The following GPR84 variants were observed in gnomAD, a reference collection of about 807,000 sequenced individuals.
The protein encoded by GPR84 is G protein-coupled receptor 84, also known as G-protein coupled receptor 84.
Under a neutral mutation model 14.9 loss-of-function variants are expected in GPR84, and 8 were observed. The ratio of observed to expected loss-of-function variants is 0.54; its 90% CI spans 0.31 to 0.97. GPR84 has a LOEUF of 0.97. Among genes scored for constraint, GPR84 ranks in the 50% least tolerant of loss-of-function variants. The pLI is 0.04. For synonymous variants in GPR84, 164 were observed against 198.1 expected (o/e 0.83, Z 1.45); for missense variants, 424 against 498.7 (o/e 0.85, Z 1.43).
At chr12:54,362,306 T>G, downstream of GPR84, 1 of 178,158 alleles carries the variant, frequency 5.6e-6, no homozygotes. This position sits in a 1 kb window ranked among gnomAD's most constrained non-coding sequence, Gnocchi z 4.0. Flanking sequence ...CACAGGTGCT[T>G]TAGGGATATG....
In GPR84 at chr12:54,362,652, G is replaced by C; in HGVS notation, c.*9C>G. On this transcript the variant is annotated 3_prime_UTR_variant, in exon 2 of 2. Transcript: ENST00000267015. This position sits in a 1 kb window ranked among gnomAD's most constrained non-coding sequence, Gnocchi z 4.0. Reference sequence around the variant, plus strand: ...ACAGTCCTGAATTCTGGTGACTAGGGTCACAGTTCTAATGGAGCCTATGGA... The same window carrying C: ...ACAGTCCTGAATTCTGGTGACTAGGCTCACAGTTCTAATGGAGCCTATGGA... The C allele has an allele frequency of 6.4e-7, 1 of 1,558,962 alleles. No homozygotes were observed.
the GPR84 span, chr12:54,353,628 C>G: frequency 6.6e-6 from 1 of 152,406 alleles, no homozygotes; most frequent in Admixed American, 6.5e-5. Flanking sequence ...CTTGGTACAG[C>G]CTCCTCCCAC....
chr12:54,351,851 C>T, the GPR84 span: 1 of 152,158 alleles, frequency 6.6e-6, no homozygotes, highest in African/African-American at 2.4e-5. Flanking sequence ...TCCAAACTGC[C>T]TTTGTGTGAT....
At chr12:54,359,622 G>A (rs1217973357), downstream of GPR84, among the ~76,000 whole-genome samples, 1 of 152,088 alleles carries the variant, frequency 6.6e-6, no homozygotes, top group Non-Finnish European at 1.5e-5. Context: ...GAGATAAAGA[G>A]ACAAAGAGAG....
downstream of GPR84, among the ~76,000 whole-genome samples, chr12:54,359,109 AGCGGGG>A (rs2137125712): frequency 6.6e-6 from 1 of 151,562 alleles, no homozygotes; most frequent in East Asian, 2.0e-4. Context: ...AGGGGAAAAA[AGCGGGG>A]GAGAGGAGGA....
downstream of GPR84, among the ~76,000 whole-genome samples, chr12:54,360,202 G>A (rs552047463): frequency 1.2e-3 from 185 of 152,192 alleles, 2 homozygotes; most frequent in South Asian, 0.013. Flanking sequence ...GTCTTACAAC[G>A]TACTAGGCAT....
chr12:54,359,292 G>T (rs982000781), downstream of GPR84, among the ~76,000 whole-genome samples: 1 of 152,082 alleles, frequency 6.6e-6, no homozygotes, highest in African/African-American at 2.4e-5. Context: ...GAGAGGCGGC[G>T]TTAAATCAAG....
chr12:54,364,203 C>G (rs981359035), intron 1 of GPR84, 190 bp downstream of exon 1: 21 of 193,378 alleles, frequency 1.1e-4, no homozygotes, highest in Admixed American at 2.6e-4. Flanking sequence ...AATTCCTTCC[C>G]CATCCCCAAA....
At chr12:54,350,858 G>C in the GPR84 span, 136 of 328,294 alleles carry the variant, frequency 4.1e-4, 1 homozygote, top group East Asian at 6.1e-3. Flanking sequence ...CTACACTTCA[G>C]ATTAAAGTAG....
chr12:54,362,664 A>G lies in GPR84; in HGVS notation c.1188T>C (p.His396=), dbSNP rs780922559. The G allele has an allele frequency of 6.3e-7, 1 of 1,595,950 alleles. No homozygotes were observed. Among genetic ancestry groups the G allele is most frequent in the African/African-American group, 1.3e-5 (1 of 74,324 alleles). ...KRGPRSFHRL[H] ...TCTGGTGACTAGGGTCACAGTTCTA[A>G]TGGAGCCTATGGAAACTCCGGGGCC... is the stretch of plus-strand genomic sequence containing the variant. The change falls in exon 2 of 2, where the codon CAT becomes CAC. Residue 396 remains histidine, a synonymous_variant. Coordinates refer to ENST00000267015, the MANE Select transcript of GPR84 (RefSeq NM_020370.3). This position sits in a 1 kb window ranked among gnomAD's most constrained non-coding sequence, Gnocchi z 4.0.
In GPR84 at chr12:54,362,847, G is replaced by T; in HGVS notation, c.1005C>A (p.Phe335Leu). 6.2e-7 allele frequency: 1 copy of T among 1,614,230 alleles called. No homozygotes were observed. The highest frequency in any genetic ancestry group is 8.5e-7 in the Non-Finnish European group (1 of 1,180,042). ...TGGCATCCAGAATGTTGAGCAGCAA[G>T]AAGGGGATGTAGCTCAGGGCAAAGC... ...FLCFALSYIP[F>L]LLLNILDARV... The change falls in exon 2 of 2, where the codon TTC (phenylalanine) becomes TTA (leucine). Residue 335 changes from phenylalanine (F) to leucine (L), a missense_variant. By Grantham distance (22) the Phe-to-Leu change is conservative. Coordinates refer to ENST00000267015, the MANE Select transcript of GPR84 (RefSeq NM_020370.3). This position sits in a 1 kb window ranked among gnomAD's most constrained non-coding sequence, Gnocchi z 4.0.
chr12:54,363,276 G>C lies in GPR84; in HGVS notation c.576C>G (p.Ser192Arg). The C allele has an allele frequency of 6.2e-7, 1 of 1,614,108 alleles. No homozygotes were observed. Among genetic ancestry groups the C allele is most frequent in the Non-Finnish European group, 8.5e-7 (1 of 1,179,964 alleles). The change falls in exon 2 of 2, where the codon AGC becomes AGG. Residue 192 changes from serine to arginine, a missense_variant. Coordinates refer to ENST00000267015, the MANE Select transcript of GPR84 (RefSeq NM_020370.3). The stretch of plus-strand genomic sequence containing the variant: ...TGAGGCAATAGAAGATGCCAACACT[G>C]CTGAGCCCAAGCACAAAGTAGATGC... ...LMGIYFVLGL[S>R]SVGIFYCLIH...
At chr12:54,357,040 G>A in the GPR84 span, among the ~76,000 whole-genome samples, 2 of 152,144 alleles carry the variant, frequency 1.3e-5, no homozygotes, top group Non-Finnish European at 2.9e-5. Context: ...TTGGTTTGGA[G>A]AGGGGGTGAG....
chr12:54,358,818 A>G (rs1881931), downstream of GPR84, among the ~76,000 whole-genome samples: 151,623 of 152,100 alleles, frequency 1, 75,578 homozygotes, highest in Middle Eastern at 1. Flanking sequence ...TCTCTCCTCA[A>G]CCTTCCTTTC....
At position 54,363,734 on chromosome 12, in the gene GPR84, G is replaced by A; in HGVS notation, c.118C>T (p.Leu40Phe). The change falls in exon 2 of 2, where the codon CTC becomes TTC. Residue 40 changes from leucine (L) to phenylalanine (F), a missense_variant. By Grantham distance (22) the Leu-to-Phe change is conservative. Coordinates refer to ENST00000267015, the MANE Select transcript of GPR84 (RefSeq NM_020370.3). ...TGGATGGCCAAGGCCAGTAGGGTGA[G>A]CACATTGCCCACGGTGCCTGTCACA... ...VAVTGTVGNV[L>F]TLLALAIQPK... is the part of the protein sequence containing the mutation. 1 of 1,613,952 alleles carries A rather than the reference G, an allele frequency of 6.2e-7. No homozygotes were observed. The highest frequency in any genetic ancestry group is 1.6e-4 in the Middle Eastern group (1 of 6,062).
chr12:54,358,802 C>T (rs1954236357), downstream of GPR84, among the ~76,000 whole-genome samples: 1 of 152,022 alleles, frequency 6.6e-6, no homozygotes, highest in African/African-American at 2.4e-5. Flanking sequence ...CTTCCCCTGC[C>T]TTCCTTCTCT....
chr12:54,359,554 G>GT (rs1954248129), downstream of GPR84, among the ~76,000 whole-genome samples: 1 of 152,152 alleles, frequency 6.6e-6, no homozygotes, highest in Admixed American at 6.5e-5. Context: ...AAGAGAGGCA[G>GT]TGAGAGATAG....
chr12:54,361,459 C>A (rs1954268308), downstream of GPR84, among the ~76,000 whole-genome samples: 1 of 152,164 alleles, frequency 6.6e-6, no homozygotes, highest in Admixed American at 6.5e-5. This position sits in a 1 kb window ranked among gnomAD's most constrained non-coding sequence, Gnocchi z 4.3. Context: ...TACCCTCCAC[C>A]TCCCGGGTTC....
At chr12:54,354,793 CT>C in the GPR84 span, among the ~76,000 whole-genome samples, 2 of 152,080 alleles carry the variant, frequency 1.3e-5, no homozygotes, top group Non-Finnish European at 2.9e-5. Context: ...CCCTACCTCC[CT>C]TAGTTGTGCT....
Sources: gnomAD v4.1 joint callset for allele counts (sites outside exome capture counted in the v4.1 genomes callset) on GRCh38, gnomAD v4.1.1 for gene constraint, Gnocchi (gnomAD v3.1) non-coding constraint, MANE v1.5 for transcripts, NCBI Gene and HGNC (gene_info 2026-07-23, HGNC 2026-07-21) for gene names.